The following FBXW8 variants were observed in gnomAD, a reference collection of about 807,000 sequenced individuals.
FBXW8 encodes the protein F-box/WD repeat-containing protein 8.
Under a neutral mutation model 65.3 loss-of-function variants are expected in FBXW8, and 57 were observed. That is an observed-to-expected ratio of 0.87 (90% CI 0.71 to 1.09). The LOEUF (loss-of-function observed/expected upper bound fraction) is 1.09, where lower values mean the gene tolerates loss of function less well. FBXW8 is among the 50% of genes least tolerant of loss of function. The pLI is 0.00. For synonymous variants in FBXW8, 308 were observed against 330.2 expected (o/e 0.93, Z 0.73); for missense variants, 777 against 814.8 (o/e 0.95, Z 0.57).
chr12:116,952,575 G>A (rs1362284190), intron 4 of FBXW8, among the ~76,000 whole-genome samples: 1 of 152,102 alleles, frequency 6.6e-6, no homozygotes, highest in Non-Finnish European at 1.5e-5. Flanking sequence ...CTAGAGACGG[G>A]ACCATCTACA....
At chr12:117,018,811 C>G in intron 8 of FBXW8, among the ~76,000 whole-genome samples, 1 of 152,142 alleles carries the variant, frequency 6.6e-6, no homozygotes, top group East Asian at 1.9e-4. Context: ...AGATGGCAAA[C>G]TTTGAACTTC....
intron 5 of FBXW8, among the ~76,000 whole-genome samples, chr12:116,983,050 G>A (rs1171397349): frequency 2.6e-5 from 4 of 152,078 alleles, no homozygotes; most frequent in Admixed American, 6.6e-5. Flanking sequence ...AAAATGGTGC[G>A]CCTCCCAAGA....
chr12:116,911,076 G>T lies in FBXW8; in HGVS notation c.39G>T (p.Trp13Cys). Residue 13 changes from tryptophan (W) to cysteine (C), a missense_variant, in exon 1 of 11, where the codon TGG (tryptophan) becomes TGT (cysteine). Transcript: ENST00000652555. The part of the protein sequence containing the change: ...DYSLDEFRRR[W>C]QEELAQAQAP... ...GCCTGGATGAGTTCCGTCGGCGCTG[G>T]CAGGAGGAGCTGGCGCAGGCCCAGG... is the stretch of plus-strand genomic sequence containing the variant. 1 of 1,451,972 alleles carries T rather than the reference G, an allele frequency of 6.9e-7. No individual in the cohort carries two copies. The highest frequency in any genetic ancestry group is 9.0e-7 in the Non-Finnish European group (1 of 1,110,798). 89.9% of individuals were successfully genotyped at this position (1,451,972 alleles called of 1,614,324 possible).
In FBXW8 at chr12:117,010,325, C is replaced by G. The variant is rs1195712254; in HGVS notation, c.1242C>G (p.Ile414Met). 1 of 1,614,204 alleles carries G rather than the reference C, an allele frequency of 6.2e-7. No individual in the cohort carries two copies. The highest frequency in any genetic ancestry group is 8.5e-7 in the Non-Finnish European group (1 of 1,180,024). ...ACACATTTCTCTTCCTCTCTCAGAT[C>G]CTGGTGTATAGCCTGGAAGCAGGAC... is the stretch of plus-strand genomic sequence containing the variant. The part of the protein sequence containing the change: ...GLGWVYEGSK[I>M]LVYSLEAGRR... The change falls in exon 8 of 11, where the codon ATC (isoleucine) becomes ATG (methionine). Residue 414 changes from isoleucine to methionine, a missense_variant and splice_region_variant. Transcript: ENST00000652555.
intron 5 of FBXW8, chr12:116,980,373 A>AG (rs1885224007): frequency 6.6e-6 from 1 of 152,162 alleles, no homozygotes; most frequent in Admixed American, 6.5e-5. Context: ...TTTATGTTTA[A>AG]GCCAGTTTCA....
chr12:116,922,153 G>T (rs899231223), intron 1 of FBXW8, among the ~76,000 whole-genome samples: 16 of 151,784 alleles, frequency 1.1e-4, no homozygotes, highest in African/African-American at 3.9e-4. Context: ...TTTTCTTTTT[G>T]TATATAAGAA....
intron 7 of FBXW8, among the ~76,000 whole-genome samples, chr12:117,008,684 A>G (rs1436799657): frequency 6.6e-6 from 1 of 152,256 alleles, no homozygotes; most frequent in Non-Finnish European, 1.5e-5. Context: ...TTAACTTCTC[A>G]ATACTAAAGT....
In FBXW8 at chr12:117,024,319, G is replaced by A. The variant is rs142010584; in HGVS notation, c.1540G>A (p.Gly514Arg). Residue 514 changes from glycine to arginine, a missense_variant and splice_region_variant, in exon 9 of 11, where the codon GGG becomes AGG. Physicochemically the swap from Gly to Arg is moderately radical, Grantham distance 125. Coordinates refer to ENST00000652555, the MANE Select transcript of FBXW8 (RefSeq NM_153348.3). ...MNQKLWEVYS[G>R]HPVQHISFSS... Reference sequence around the variant, plus strand: ...CCAGAAGCTGTGGGAGGTGTATTCCGGGTAAGGTGCATTCTAGACACTCTT... The same window carrying A: ...CCAGAAGCTGTGGGAGGTGTATTCCAGGTAAGGTGCATTCTAGACACTCTT... The A allele has an allele frequency of 1.3e-3, 2,118 of 1,614,074 alleles. 8 individuals are homozygous for A. The Middle Eastern group carries it at 0.019, about 14-fold the overall frequency.
At chr12:116,990,022 G>A (rs1953197356) in intron 7 of FBXW8, among the ~76,000 whole-genome samples, 1 of 152,166 alleles carries the variant, frequency 6.6e-6, no homozygotes, top group Admixed American at 6.5e-5. Flanking sequence ...AGCCTCTGGT[G>A]GTGCCTATTT....
At position 117,029,955 on chromosome 12, in the gene FBXW8, A is replaced by T. The variant is rs1229882499; in HGVS notation, c.*1783A>T. 6.6e-6 allele frequency: 1 copy of T among 152,054 alleles called. No individual in the cohort carries two copies. The highest frequency in any genetic ancestry group is 6.6e-5 in the Admixed American group (1 of 15,264). 9.4% of individuals were successfully genotyped at this position (152,054 alleles called of 1,614,324 possible). A position where few individuals can be genotyped will look rare whatever the true frequency, so the allele number is the denominator to read the frequency against. On this transcript the variant is annotated 3_prime_UTR_variant, in exon 11 of 11. Coordinates refer to ENST00000652555, the MANE Select transcript of FBXW8 (RefSeq NM_153348.3). ...AAAAAGACAAAATATACAACTCTTG[A>T]TAAAACATAAAGGTACAGTGGTCTA...
At chr12:116,943,639 G>A (rs1433848734) in intron 2 of FBXW8, among the ~76,000 whole-genome samples, 1 of 152,152 alleles carries the variant, frequency 6.6e-6, no homozygotes, top group Admixed American at 6.5e-5. Context: ...AGAGCCTCAG[G>A]GTCAGCCAGA....
intron 3 of FBXW8, 119 bp downstream of exon 3, chr12:116,945,647 G>GCCTC: frequency 2.2e-6 from 2 of 905,276 alleles, no homozygotes; most frequent in Non-Finnish European, 3.3e-6. Context: ...GGTACACTGA[G>GCCTC]CCTCCCCTTC....
intron 3 of FBXW8, among the ~76,000 whole-genome samples, chr12:116,946,464 T>A (rs1264188278): frequency 4.6e-5 from 7 of 152,180 alleles, no homozygotes; most frequent in Non-Finnish European, 1.0e-4. Context: ...GGCTGTCCTG[T>A]GCATTGCAGG....
intron 8 of FBXW8, among the ~76,000 whole-genome samples, chr12:117,020,335 A>AAATT (rs910409362): frequency 2.4e-4 from 36 of 151,732 alleles, no homozygotes; most frequent in Non-Finnish European, 4.6e-4. Context: ...CCCATTTTTT[A>AAATT]AATTATACTC....
intron 5 of FBXW8, among the ~76,000 whole-genome samples, chr12:116,965,636 G>A (rs1884270301): frequency 6.6e-6 from 1 of 152,164 alleles, no homozygotes; most frequent in Admixed American, 6.5e-5. Flanking sequence ...TGGCACCACT[G>A]CAAATCTTCA....
At chr12:116,923,733 T>A (rs1881093844) in intron 1 of FBXW8, among the ~76,000 whole-genome samples, 1 of 151,256 alleles carries the variant, frequency 6.6e-6, no homozygotes, top group African/African-American at 2.4e-5. Flanking sequence ...TTTATTTATT[T>A]ATTTTGAGAC....
At chr12:116,991,077 GT>G (rs1301849997) in intron 7 of FBXW8, among the ~76,000 whole-genome samples, 1 of 152,222 alleles carries the variant, frequency 6.6e-6, no homozygotes, top group South Asian at 2.1e-4. Flanking sequence ...CTGCAAGAAT[GT>G]TTCTAAATGT....
intron 2 of FBXW8, among the ~76,000 whole-genome samples, chr12:116,941,195 A>T (rs781042285): frequency 9.2e-5 from 14 of 152,166 alleles, no homozygotes; most frequent in Non-Finnish European, 1.8e-4. Context: ...GCATTGCAGG[A>T]TTGCCTGGGC....
intron 5 of FBXW8, chr12:116,978,140 G>T (rs534715496): frequency 1.3e-5 from 2 of 152,210 alleles, no homozygotes; most frequent in Non-Finnish European, 2.9e-5. Flanking sequence ...TGTGGTCAGC[G>T]GGAAAGCAGG....
Sources: allele counts gnomAD v4.1 joint callset (sites outside exome capture counted in the v4.1 genomes callset), GRCh38; gene constraint gnomAD v4.1.1; transcripts MANE v1.5; gene names NCBI Gene and HGNC (gene_info 2026-07-23, HGNC 2026-07-21).